ABTB2: variants seen among roughly 807,000 people sequenced by gnomAD.
ABTB2 encodes ankyrin repeat and BTB/POZ domain-containing protein 2.
A neutral mutation model predicts 104.1 loss-of-function variants in ABTB2; 56 were observed. The ratio of observed to expected loss-of-function variants is 0.54; its 90% CI spans 0.43 to 0.67. The LOEUF (loss-of-function observed/expected upper bound fraction) is 0.67. Among genes scored for constraint, ABTB2 ranks in the 30% least tolerant of loss-of-function variants. The pLI is 0.00. For synonymous variants in ABTB2, 606 were observed against 608.2 expected (o/e 1.00, Z 0.05); for missense variants, 1,279 against 1,407.7 (o/e 0.91, Z 1.46).
intron 1 of ABTB2, among the ~76,000 whole-genome samples, chr11:34,227,738 T>C (rs533878776): frequency 2.6e-5 from 4 of 152,176 alleles, no homozygotes; most frequent in Non-Finnish European, 5.9e-5. Flanking sequence ...TTTTCTTCTT[T>C]TTTTTTATTT....
At chr11:34,331,675 T>G (rs1855132440) in intron 1 of ABTB2, among the ~76,000 whole-genome samples, 1 of 152,218 alleles carries the variant, frequency 6.6e-6, no homozygotes, top group African/African-American at 2.4e-5. Flanking sequence ...AAGTCTTCAG[T>G]TGATAAATGA....
intron 3 of ABTB2, among the ~76,000 whole-genome samples, chr11:34,188,805 C>T (rs1853135931): frequency 6.6e-6 from 1 of 152,216 alleles, no homozygotes; most frequent in African/African-American, 2.4e-5. Context: ...AGACTGAACA[C>T]ACAGCCTATC....
intron 1 of ABTB2, among the ~76,000 whole-genome samples, chr11:34,220,370 G>A (rs1014656518): frequency 2.0e-4 from 30 of 152,330 alleles, no homozygotes; most frequent in African/African-American, 6.0e-4. Context: ...TCTTATGGCC[G>A]TGCCACACAG....
intron 1 of ABTB2, among the ~76,000 whole-genome samples, chr11:34,343,738 C>T (rs1416984247): frequency 6.6e-6 from 1 of 152,054 alleles, no homozygotes; most frequent in Non-Finnish European, 1.5e-5. Context: ...CCTCCCAAAG[C>T]GTTGGGATTA....
chr11:34,172,434 G>GTGTA (rs57636794), intron 4 of ABTB2, among the ~76,000 whole-genome samples: 2 of 62,658 alleles, frequency 3.2e-5, no homozygotes, highest in East Asian at 4.4e-4. Flanking sequence ...GTGTGTGTGT[G>GTGTA]TATATAGATA....
Position 34,333,875 on chromosome 11 carries a change from C to CT in ABTB2, c.883+22825dup, listed in dbSNP as rs1855160405. Among the ~76,000 whole-genome samples the CT allele has an allele frequency of 1.3e-5, 2 of 152,290 alleles. 1 individual carries two copies. Among genetic ancestry groups the CT allele is most frequent in the Admixed American group, 1.3e-4 (2 of 15,294 alleles). On this transcript the variant is annotated intron_variant, in intron 1 of 16. Coordinates refer to ENST00000435224, the MANE Select transcript of ABTB2 (RefSeq NM_145804.3). ...ATTCCAAAACCTATGTTCTTGTCTCCTTTACTCTGTCAAATTCAAGATTCA... is the reference window on the plus strand; with the variant it reads ...ATTCCAAAACCTATGTTCTTGTCTCCTTTTACTCTGTCAAATTCAAGATTCA...
In ABTB2 at chr11:34,204,756, G is replaced by C. The variant is rs925748326; in HGVS notation, c.884-66C>G. The C allele has an allele frequency of 3.9e-6, 6 of 1,535,286 alleles. No individual in the cohort carries two copies. In the Admixed American group the frequency reaches 1.1e-4, roughly 28 times the overall value. ...GTGGAAGTTCAGTGGGCCCCAGCCT[G>C]CTGCAGGCAGGGCTCAGCCCTGCTC... is the stretch of plus-strand genomic sequence containing the variant. On this transcript the variant is annotated intron_variant, in intron 1 of 16. Transcript: ENST00000435224.
rs147167977 is a variant in ABTB2 at position 34,170,933 on chromosome 11, C to T, written c.1536G>A (p.Pro512=). ...GGTCATCCATGGTGTTAACCCCATCCGGACCCAAGGCCTCGATGGCTTGGT... is the reference window on the plus strand; with the variant it reads ...GGTCATCCATGGTGTTAACCCCATCTGGACCCAAGGCCTCGATGGCTTGGT... ...LINQAIEALG[P]DGVNTMDDQG... Residue 512 remains proline, a synonymous_variant, in exon 5 of 17, where the codon CCG becomes CCA. Transcript: ENST00000435224. 561 of 1,614,162 alleles carry T rather than the reference C, an allele frequency of 3.5e-4. 2 individuals carry two copies. In the African/African-American group the frequency reaches 5.5e-3, roughly 16 times the overall value.
intron 1 of ABTB2, among the ~76,000 whole-genome samples, chr11:34,301,579 T>C (rs1335779015): frequency 1.3e-5 from 2 of 152,222 alleles, no homozygotes; most frequent in Non-Finnish European, 2.9e-5. Context: ...GTTCTCTGAA[T>C]AACACATTTT....
At chr11:34,321,611 T>C (rs987385730) in intron 1 of ABTB2, among the ~76,000 whole-genome samples, 1 of 152,150 alleles carries the variant, frequency 6.6e-6, no homozygotes, top group African/African-American at 2.4e-5. Context: ...TCAGGGTTGG[T>C]TGGTTCTGTG....
In ABTB2 at chr11:34,195,077, G is replaced by GA. The variant is rs1554982301; in HGVS notation, c.1244+2247_1244+2248insT. Among the ~76,000 whole-genome samples the GA allele has an allele frequency of 5.1e-5, 5 of 97,212 alleles. 1 individual carries two copies. The highest frequency in any genetic ancestry group is 7.2e-5 in the Non-Finnish European group (3 of 41,428). The allele number at this position is 97,212 out of a possible 152,430, so 63.8% of individuals were successfully genotyped here. On this transcript the variant is annotated intron_variant, in intron 3 of 16. Coordinates refer to ENST00000435224, the MANE Select transcript of ABTB2 (RefSeq NM_145804.3). ...CAGGACATGACAAAGATGCCCGGCG[G>GA]GGGGGGGGAGTGGGGGCGGGAGAAA...
intron 1 of ABTB2, among the ~76,000 whole-genome samples, chr11:34,355,490 A>G (rs1422533127): frequency 6.6e-6 from 1 of 152,172 alleles, no homozygotes; most frequent in Non-Finnish European, 1.5e-5. Context: ...CCTACCTAAT[A>G]GGCTTGCTAG....
At chr11:34,305,720 C>T (rs907675975) in intron 1 of ABTB2, among the ~76,000 whole-genome samples, 5 of 152,176 alleles carry the variant, frequency 3.3e-5, no homozygotes, top group African/African-American at 1.2e-4. Flanking sequence ...CATGTTCAAA[C>T]TTAGAGAAAT....
chr11:34,220,940 A>G (rs373496835), intron 1 of ABTB2, among the ~76,000 whole-genome samples: 1 of 150,500 alleles, frequency 6.6e-6, no homozygotes. Context: ...ACGTCTTCAC[A>G]TGATCTTTCT....
At chr11:34,332,288 C>A (rs1214932990) in intron 1 of ABTB2, among the ~76,000 whole-genome samples, 2 of 152,192 alleles carry the variant, frequency 1.3e-5, no homozygotes, top group African/African-American at 4.8e-5. Context: ...CCTGTCCCAG[C>A]CTCCTGCATC....
At chr11:34,202,491 G>C (rs983859114) in intron 2 of ABTB2, among the ~76,000 whole-genome samples, 1 of 152,154 alleles carries the variant, frequency 6.6e-6, no homozygotes, top group Non-Finnish European at 1.5e-5. Flanking sequence ...ATTGTCGGGG[G>C]ATAGAGGGGA....
At chr11:34,256,213 A>C (rs1044714633) in intron 1 of ABTB2, among the ~76,000 whole-genome samples, 2 of 152,218 alleles carry the variant, frequency 1.3e-5, no homozygotes, top group African/African-American at 4.8e-5. Context: ...CACGAGGAAC[A>C]GTCAGATGGA....
At chr11:34,162,003 G>A (rs756852764) in intron 10 of ABTB2, among the ~76,000 whole-genome samples, 6 of 152,142 alleles carry the variant, frequency 3.9e-5, no homozygotes, top group Non-Finnish European at 8.8e-5. Flanking sequence ...TGGCCACTAC[G>A]CCTTGTACTT....
chr11:34,168,295 C>T (rs1852829570), intron 5 of ABTB2, among the ~76,000 whole-genome samples: 1 of 152,238 alleles, frequency 6.6e-6, no homozygotes, highest in Non-Finnish European at 1.5e-5. Context: ...GTCATTTGCC[C>T]TCTCTGTGCC....
Sources: allele counts gnomAD v4.1 joint callset (sites outside exome capture counted in the v4.1 genomes callset), GRCh38; gene constraint gnomAD v4.1.1; transcripts MANE v1.5; gene names NCBI Gene and HGNC (gene_info 2026-07-23, HGNC 2026-07-21).